Variants in KCNQ1 observed in about 807,000 individuals in gnomAD.
The protein encoded by KCNQ1 is potassium voltage-gated channel subfamily KQT member 1.
KCNQ1 carries 49 observed loss-of-function variants against 72.4 expected under a neutral mutation model. That is an observed-to-expected ratio of 0.68 (90% CI 0.54 to 0.86). KCNQ1 has a LOEUF of 0.86. Among genes scored for constraint, KCNQ1 ranks in the 40% least tolerant of loss-of-function variants. The probability of loss-of-function intolerance (pLI) is 0.00; values close to 1 mark genes in which losing one functional copy is unlikely to be tolerated. For missense variants in KCNQ1, 790 were observed against 945.1 expected (o/e 0.84, Z 2.15); for synonymous variants, 450 against 412.6 (o/e 1.09, Z -1.10).
chr11:2,467,125 G>T (rs979015254), intron 1 of KCNQ1, among the ~76,000 whole-genome samples: 5 of 152,018 alleles, frequency 3.3e-5, no homozygotes, highest in African/African-American at 1.2e-4. Flanking sequence ...GAGCCGGGCA[G>T]GGTTGGTCAG....
intron 1 of KCNQ1, among the ~76,000 whole-genome samples, chr11:2,459,003 G>C (rs1203618823): frequency 6.6e-6 from 1 of 152,218 alleles, no homozygotes; most frequent in Non-Finnish European, 1.5e-5. Flanking sequence ...CACCTGCCAT[G>C]GTGCATTTCT....
chr11:2,741,431 G>A (rs965294875), intron 11 of KCNQ1, among the ~76,000 whole-genome samples: 3 of 152,066 alleles, frequency 2.0e-5, no homozygotes, highest in East Asian at 3.9e-4. Flanking sequence ...GTGCCCCCTC[G>A]GGGCTGCACA....
intron 11 of KCNQ1, among the ~76,000 whole-genome samples, chr11:2,761,167 T>A (rs1220717775): frequency 1.3e-5 from 2 of 151,520 alleles, no homozygotes; most frequent in Admixed American, 1.3e-4. Flanking sequence ...AGTGGGAGGG[T>A]GGTTTTCCCC....
At chr11:2,840,857 C>T (rs1379033947) in intron 15 of KCNQ1, among the ~76,000 whole-genome samples, 1 of 152,076 alleles carries the variant, frequency 6.6e-6, no homozygotes, top group East Asian at 1.9e-4. Flanking sequence ...GGGCTTCTAC[C>T]CCCTCACTCC....
At chr11:2,636,240 A>G (rs1187233521) in intron 10 of KCNQ1, 1 of 152,152 alleles carries the variant, frequency 6.6e-6, no homozygotes, top group African/African-American at 2.4e-5. Context: ...GAGTGGTGAG[A>G]GAGGGCATCC....
Position 2,671,977 on chromosome 11 carries a change from A to T in KCNQ1, c.1514+9896A>T, listed in dbSNP as rs1850191234. 2.5e-6 allele frequency: 1 copy of T among 398,382 alleles called. No homozygotes were observed. Among genetic ancestry groups the T allele is most frequent in the Non-Finnish European group, 4.4e-6 (1 of 226,040 alleles). The allele number at this position is 398,382 out of a possible 1,614,324, so 24.7% of individuals were successfully genotyped here. On this transcript the variant is annotated intron_variant, in intron 11 of 15. Transcript: ENST00000155840. This position sits in a 1 kb window ranked among gnomAD's most constrained non-coding sequence, Gnocchi z 4.7. Reference sequence around the variant, plus strand: ...GAAAGAGTGGGCTAAAAAGTCAGCTAGCACCCCTGACTTCAAGTCCTCGAG... The same window carrying T: ...GAAAGAGTGGGCTAAAAAGTCAGCTTGCACCCCTGACTTCAAGTCCTCGAG...
Position 2,481,459 on chromosome 11 carries a change from A to G in KCNQ1, c.386+35975A>G, listed in dbSNP as rs1279848652. Reference sequence around the variant, plus strand: ...AGGAGTGAGTTGCACGTCTACAGCTAGGCTGCTTCCCCGAGGCTGTGTGGC... The same window carrying G: ...AGGAGTGAGTTGCACGTCTACAGCTGGGCTGCTTCCCCGAGGCTGTGTGGC... On this transcript the variant is annotated intron_variant, in intron 1 of 15. Coordinates refer to ENST00000155840, the MANE Select transcript of KCNQ1 (RefSeq NM_000218.3). The surrounding 1 kb of genome is among the most constrained non-coding windows in gnomAD (Gnocchi z 4.6). Among the ~76,000 whole-genome samples the G allele has an allele frequency of 6.6e-6, 1 of 152,174 alleles. No individual in the cohort carries two copies. Among genetic ancestry groups the G allele is most frequent in the African/African-American group, 2.4e-5 (1 of 41,448 alleles).
chr11:2,633,972 A>T (rs967522423), intron 10 of KCNQ1: 2 of 398,392 alleles, frequency 5.0e-6, no homozygotes, highest in Non-Finnish European at 4.4e-6. Context: ...TACAGTTCAA[A>T]TCTATGTTGT....
In KCNQ1 at chr11:2,536,443, G is replaced by A. The variant is rs1847733451; in HGVS notation, c.477+8425G>A. Among the ~76,000 whole-genome samples the A allele has an allele frequency of 1.3e-5, 2 of 152,302 alleles. No homozygotes were observed. Among genetic ancestry groups the A allele is most frequent in the Middle Eastern group, 3.4e-3 (1 of 294 alleles). The stretch of plus-strand genomic sequence containing the variant: ...GAGGCTGGCGCTGCCCTGCCCCACA[G>A]GGTGGCTGGCAGGGCTCAGCAGTTG... On this transcript the variant is annotated intron_variant, in intron 2 of 15. Transcript: ENST00000155840. The surrounding 1 kb of genome is among the most constrained non-coding windows in gnomAD (Gnocchi z 7.4).
At chr11:2,795,800 G>A (rs867537293) in intron 15 of KCNQ1, among the ~76,000 whole-genome samples, 5 of 152,176 alleles carry the variant, frequency 3.3e-5, no homozygotes, top group African/African-American at 4.8e-5. Context: ...GGAACCCCAC[G>A]GGTTCCTTGC....
intron 1 of KCNQ1, among the ~76,000 whole-genome samples, chr11:2,522,701 C>T (rs1355130428): frequency 1.3e-5 from 2 of 152,250 alleles, no homozygotes; most frequent in Non-Finnish European, 2.9e-5. Context: ...GGCTGACAGC[C>T]AGCCTGGCCC....
intron 2 of KCNQ1, among the ~76,000 whole-genome samples, chr11:2,535,832 G>A (rs1368377715): frequency 6.6e-6 from 1 of 152,234 alleles, no homozygotes; most frequent in Non-Finnish European, 1.5e-5. Context: ...TTTGAGGGCT[G>A]TTTAGGAGAG....
At chr11:2,514,688 T>C (rs963265353) in intron 1 of KCNQ1, among the ~76,000 whole-genome samples, 3 of 152,122 alleles carry the variant, frequency 2.0e-5, no homozygotes, top group Non-Finnish European at 4.4e-5. Flanking sequence ...TAGCCCGGCG[T>C]GGTGGCGGGC....
At chr11:2,596,973 A>T (rs1283526468) in intron 10 of KCNQ1, among the ~76,000 whole-genome samples, 1 of 152,130 alleles carries the variant, frequency 6.6e-6, no homozygotes, top group East Asian at 1.9e-4. Flanking sequence ...ACTCACCTAT[A>T]GGCATGGGGC....
intron 11 of KCNQ1, chr11:2,685,470 C>T (rs534338375): frequency 2.5e-6 from 1 of 398,832 alleles, no homozygotes; most frequent in South Asian, 1.3e-4. Flanking sequence ...AGTGCAACTC[C>T]CATCTCACAG....
chr11:2,780,755 C>G (rs1013411156), intron 15 of KCNQ1, among the ~76,000 whole-genome samples: 25 of 152,188 alleles, frequency 1.6e-4, no homozygotes, highest in Admixed American at 1.1e-3. Flanking sequence ...TCAGGGCTGC[C>G]TCAGTTTCCC....
chr11:2,696,075 A>T (rs543640279), intron 11 of KCNQ1: 4 of 398,538 alleles, frequency 1.0e-5, no homozygotes, highest in Non-Finnish European at 1.8e-5. Flanking sequence ...GACCCTTGCC[A>T]TGATGGATTT....
chr11:2,644,479 G>T (rs922975508), intron 10 of KCNQ1: 2 of 397,988 alleles, frequency 5.0e-6, no homozygotes, highest in Non-Finnish European at 8.9e-6. Context: ...ACCCCGAATT[G>T]TTTTTTCTGA....
At chr11:2,805,002 A>G (rs1460585113) in intron 15 of KCNQ1, among the ~76,000 whole-genome samples, 1 of 152,272 alleles carries the variant, frequency 6.6e-6, no homozygotes, top group African/African-American at 2.4e-5. Context: ...TCCACAGGCA[A>G]TGAGGCCCCC....
Sources: gnomAD v4.1 joint callset for allele counts (sites outside exome capture counted in the v4.1 genomes callset) on GRCh38, gnomAD v4.1.1 for gene constraint, Gnocchi (gnomAD v3.1) non-coding constraint, MANE v1.5 for transcripts, NCBI Gene and HGNC (gene_info 2026-07-23, HGNC 2026-07-21) for gene names.